Variants in PCDH17 observed in about 807,000 individuals in gnomAD.
PCDH17 encodes protocadherin-17.
PCDH17 carries 21 observed loss-of-function variants against 67.7 expected under a neutral mutation model. The observed-to-expected ratio is 0.31, with a 90% CI of 0.22 to 0.45. The LOEUF is 0.45. Ranked by LOEUF, PCDH17 falls within the 20% of genes least tolerant of loss-of-function variation. PCDH17 has a pLI of 1.00. For missense variants in PCDH17, 1,471 were observed against 1,564.8 expected (o/e 0.94, Z 1.01); for synonymous variants, 701 against 656.7 (o/e 1.07, Z -1.03).
chr13:57,653,977 C>T (rs986304670), intron 1 of PCDH17, among the ~76,000 whole-genome samples: 1 of 152,080 alleles, frequency 6.6e-6, no homozygotes, highest in African/African-American at 2.4e-5. Flanking sequence ...GTGCTTTCCA[C>T]ATGTACATCT....
chr13:57,719,236 A>G (rs562551308), intron 3 of PCDH17, among the ~76,000 whole-genome samples: 1 of 152,156 alleles, frequency 6.6e-6, no homozygotes, highest in Non-Finnish European at 1.5e-5. Flanking sequence ...TAGAAATGAT[A>G]CCAACTACCA....
chr13:57,638,886 G>A (rs1182380701), intron 1 of PCDH17, among the ~76,000 whole-genome samples: 1 of 151,672 alleles, frequency 6.6e-6, no homozygotes, highest in Non-Finnish European at 1.5e-5. Flanking sequence ...TTCACTATGG[G>A]GACTTATTCA....
At chr13:57,671,436 T>C (rs1460302555) in intron 3 of PCDH17, among the ~76,000 whole-genome samples, 1 of 151,880 alleles carries the variant, frequency 6.6e-6, no homozygotes. Context: ...TTATAAATAA[T>C]AAAACTTTTT....
intron 3 of PCDH17, among the ~76,000 whole-genome samples, chr13:57,711,161 G>T (rs1449422584): frequency 1.3e-5 from 2 of 151,898 alleles, no homozygotes; most frequent in Non-Finnish European, 1.5e-5. Flanking sequence ...ATTTTAGAAT[G>T]TAAATTTTTA....
chr13:57,680,242 G>T (rs1044437709), intron 3 of PCDH17, among the ~76,000 whole-genome samples: 2 of 151,360 alleles, frequency 1.3e-5, no homozygotes, highest in South Asian at 2.1e-4. Flanking sequence ...CTTGTAATAC[G>T]ATCTTGAAAG....
At chr13:57,679,574 A>G (rs1955428686) in intron 3 of PCDH17, among the ~76,000 whole-genome samples, 1 of 151,502 alleles carries the variant, frequency 6.6e-6, no homozygotes, top group Non-Finnish European at 1.5e-5. Context: ...GAAACAAAAT[A>G]TATATTTCAT....
chr13:57,658,900 C>T (rs1251659080), intron 1 of PCDH17, among the ~76,000 whole-genome samples: 4 of 152,222 alleles, frequency 2.6e-5, no homozygotes, highest in South Asian at 2.1e-4. Flanking sequence ...CTGCCTCAGC[C>T]GCCATCTCTA....
At chr13:57,697,747 T>A (rs1327633636) in intron 3 of PCDH17, among the ~76,000 whole-genome samples, 1 of 151,368 alleles carries the variant, frequency 6.6e-6, no homozygotes, top group African/African-American at 2.4e-5. Context: ...CTTTAATATA[T>A]TCATCCTAGA....
chr13:57,680,104 C>G (rs896966855), intron 3 of PCDH17, among the ~76,000 whole-genome samples: 3 of 150,738 alleles, frequency 2.0e-5, no homozygotes, highest in Non-Finnish European at 4.4e-5. Context: ...CTCTATTGAT[C>G]TATCTGTAAT....
intron 2 of PCDH17, 33 bp downstream of exon 2, chr13:57,666,559 C>T (rs760012097): frequency 5.6e-6 from 9 of 1,610,146 alleles, no homozygotes; most frequent in Non-Finnish European, 6.8e-6. Context: ...TCTCAGCTTC[C>T]CCATTTGCAT....
chr13:57,633,065 C>A lies in PCDH17; in HGVS notation c.519C>A (p.Arg173=). ...GGCTCCGCACCTACCTGCTCACGCG[C>A]GACGATCACGGCCTCTTTGGACTGG... is the stretch of plus-strand genomic sequence containing the variant. The part of the protein sequence containing the change: ...ENGLRTYLLT[R]DDHGLFGLDV... The change falls in exon 1 of 4, where the codon CGC becomes CGA. Residue 173 remains arginine (R), a synonymous_variant. Transcript: ENST00000377918. This position sits in a 1 kb window ranked among gnomAD's most constrained non-coding sequence, Gnocchi z 6.2. The A allele has an allele frequency of 6.2e-7, 1 of 1,613,270 alleles. No homozygotes were observed. Among genetic ancestry groups the A allele is most frequent in the Non-Finnish European group, 8.5e-7 (1 of 1,179,976 alleles).
Position 57,659,897 on chromosome 13 carries a change from G to A in PCDH17, c.2566-6571G>A, listed in dbSNP as rs79742218. The stretch of plus-strand genomic sequence containing the variant: ...TGTAAAGTATTTATTTTATGGCTGG[G>A]TAAATCAGAGATACACACAAGAAAA... On this transcript the variant is annotated intron_variant, in intron 1 of 3. Coordinates refer to ENST00000377918, the MANE Select transcript of PCDH17 (RefSeq NM_001040429.3). Among the ~76,000 whole-genome samples the A allele has an allele frequency of 8.5e-3, 1,296 of 152,078 alleles. 19 individuals carry two copies. The highest frequency in any genetic ancestry group is 0.028 in the African/African-American group (1,144 of 41,484).
intron 1 of PCDH17, among the ~76,000 whole-genome samples, chr13:57,664,588 C>T (rs1366947230): frequency 6.6e-6 from 1 of 152,140 alleles, no homozygotes; most frequent in Non-Finnish European, 1.5e-5. Context: ...AATCACAAGA[C>T]TACTTATAAT....
At chr13:57,707,964 T>G (rs1279505633) in intron 3 of PCDH17, among the ~76,000 whole-genome samples, 1 of 151,982 alleles carries the variant, frequency 6.6e-6, no homozygotes, top group Admixed American at 6.6e-5. Flanking sequence ...CCAAATAAGG[T>G]CATATTCTGA....
rs544149494 is a variant in PCDH17, at chr13:57,654,475, CA to C, written c.2566-11989del. On this transcript the variant is annotated intron_variant, in intron 1 of 3. Transcript: ENST00000377918. ...GATTATAAAAAGTTTCTAACAAAAT[CA>C]AAATGATTGTTATTTTAAAACTAGA... Among the ~76,000 whole-genome samples the C allele has an allele frequency of 1.9e-3, 285 of 151,580 alleles. 1 individual carries two copies. Among genetic ancestry groups the C allele is most frequent in the African/African-American group, 4.1e-3 (170 of 41,370 alleles).
At chr13:57,687,153 T>C (rs1470998942) in intron 3 of PCDH17, among the ~76,000 whole-genome samples, 2 of 152,078 alleles carry the variant, frequency 1.3e-5, no homozygotes, top group Admixed American at 6.6e-5. Flanking sequence ...TTTAGGTACT[T>C]TATTTTATTC....
Position 57,697,519 on chromosome 13 carries a change from T to A in PCDH17, c.2798-27093T>A, listed in dbSNP as rs746895962. 4.4e-4 allele frequency among the ~76,000 whole-genome samples: 66 copies of A among 151,674 alleles called. 1 individual carries two copies. Among genetic ancestry groups the A allele is most frequent in the Non-Finnish European group, 4.6e-4 (31 of 67,662 alleles). On this transcript the variant is annotated intron_variant, in intron 3 of 3. Coordinates refer to ENST00000377918, the MANE Select transcript of PCDH17 (RefSeq NM_001040429.3). ...AACTATTTATTATATCCAGCATGAA[T>A]TGCTGTGTTACCATTGTTATCTGAT...
intron 3 of PCDH17, among the ~76,000 whole-genome samples, chr13:57,669,041 C>T (rs532560306): frequency 6.6e-6 from 1 of 151,986 alleles, no homozygotes; most frequent in South Asian, 2.1e-4. Flanking sequence ...CTTCCTGTGT[C>T]CCAGTGTTCT....
At position 57,728,609 on chromosome 13, in the gene PCDH17, A is replaced by C. The variant is rs1366798909; in HGVS notation, c.*3315A>C. 6.6e-6 allele frequency: 1 copy of C among 151,960 alleles called. No homozygotes were observed. The highest frequency in any genetic ancestry group is 1.9e-4 in the East Asian group (1 of 5,180). The allele number at this position is 151,960 out of a possible 1,614,324, so 9.4% of individuals were successfully genotyped here. The stretch of plus-strand genomic sequence containing the variant: ...CTGTTAGTTATACGTATACCAAAGT[A>C]AACATTAAAGAGACATATCATGCAA... On this transcript the variant is annotated 3_prime_UTR_variant, in exon 4 of 4. Coordinates refer to ENST00000377918, the MANE Select transcript of PCDH17 (RefSeq NM_001040429.3).
Sources: gnomAD v4.1 joint callset for allele counts (sites outside exome capture counted in the v4.1 genomes callset) on GRCh38, gnomAD v4.1.1 for gene constraint, Gnocchi (gnomAD v3.1) non-coding constraint, MANE v1.5 for transcripts, NCBI Gene and HGNC (gene_info 2026-07-23, HGNC 2026-07-21) for gene names.